Variants in SRRM4 observed in about 807,000 individuals in gnomAD.
SRRM4 encodes the protein serine/arginine repetitive matrix 4.
SRRM4 carries 33 observed loss-of-function variants against 68.9 expected under a neutral mutation model. The ratio of observed to expected loss-of-function variants is 0.48; its 90% confidence interval spans 0.36 to 0.64. SRRM4 has a LOEUF of 0.64. SRRM4 is among the 30% of genes least tolerant of loss of function. The pLI, the probability that SRRM4 is intolerant of heterozygous loss-of-function variation, is 0.00. For missense variants in SRRM4, 817 were observed against 827.1 expected (o/e 0.99, Z 0.15); for synonymous variants, 318 against 318.8 (o/e 1.00, Z 0.03).
intron 1 of SRRM4, among the ~76,000 whole-genome samples, chr12:119,016,821 T>C (rs1953484912): frequency 6.6e-6 from 1 of 152,238 alleles, no homozygotes; most frequent in Non-Finnish European, 1.5e-5. Context: ...AATGACAGGG[T>C]AGCATACTGC....
At chr12:119,025,550 T>C (rs999136267) in intron 1 of SRRM4, among the ~76,000 whole-genome samples, 2 of 152,154 alleles carry the variant, frequency 1.3e-5, no homozygotes, top group Admixed American at 6.6e-5. Flanking sequence ...GTTCAAGTGA[T>C]TCTCCTGCCT....
In SRRM4 at chr12:119,121,979, G is replaced by T. The variant is rs1018814716; in HGVS notation, c.465-91G>T. On this transcript the variant is annotated intron_variant, in intron 5 of 12. Transcript: ENST00000267260. ...TCAGTGTCCATTCCAAAACTGCCTG[G>T]ATCTCACACTGTGTGTTAAGCATTT... 2.7e-5 allele frequency: 23 copies of T among 839,498 alleles called. No individual in the cohort carries two copies. In the Admixed American group the frequency reaches 3.9e-4, roughly 14 times the overall value. The allele number at this position is 839,498 out of a possible 1,614,324, so 52.0% of individuals were successfully genotyped here. A position where few individuals can be genotyped will look rare whatever the true frequency, so the allele number is the denominator to read the frequency against.
At chr12:119,054,792 T>C (rs935552518) in intron 1 of SRRM4, among the ~76,000 whole-genome samples, 1 of 152,204 alleles carries the variant, frequency 6.6e-6, no homozygotes, top group African/African-American at 2.4e-5. Context: ...TATGCAGCTG[T>C]CCCTTGGGGT....
At chr12:119,028,290 G>T (rs1953562162) in intron 1 of SRRM4, among the ~76,000 whole-genome samples, 1 of 152,124 alleles carries the variant, frequency 6.6e-6, no homozygotes, top group African/African-American at 2.4e-5. Flanking sequence ...GTTTGACTGT[G>T]TCCCCACCCA....
intron 1 of SRRM4, among the ~76,000 whole-genome samples, chr12:119,016,883 A>C (rs1485308292): frequency 3.3e-5 from 5 of 152,230 alleles, no homozygotes; most frequent in African/African-American, 1.2e-4. Context: ...CTGGCTGTGC[A>C]ACCTTAGACC....
chr12:119,091,164 C>A (rs993051793), intron 1 of SRRM4, among the ~76,000 whole-genome samples: 1 of 152,216 alleles, frequency 6.6e-6, no homozygotes, highest in Non-Finnish European at 1.5e-5. Context: ...GAGCCATCCT[C>A]TCAGAAGCCC....
intron 1 of SRRM4, among the ~76,000 whole-genome samples, chr12:119,017,915 A>T (rs893517814): frequency 6.6e-6 from 1 of 152,238 alleles, no homozygotes; most frequent in African/African-American, 2.4e-5. Context: ...ACTCTGCCAC[A>T]TATGGGATAT....
intron 1 of SRRM4, among the ~76,000 whole-genome samples, chr12:118,997,822 T>C (rs544981660): frequency 7.8e-4 from 119 of 152,272 alleles, no homozygotes; most frequent in African/African-American, 2.8e-3. Context: ...ATACTGTCAT[T>C]ATCTCCAGTT....
intron 1 of SRRM4, among the ~76,000 whole-genome samples, chr12:119,012,272 T>G (rs1953454287): frequency 6.6e-6 from 1 of 152,224 alleles, no homozygotes; most frequent in South Asian, 2.1e-4. Flanking sequence ...TAGAGATGAA[T>G]GAGTCCTCCC....
At chr12:119,002,605 A>G (rs546166350) in intron 1 of SRRM4, among the ~76,000 whole-genome samples, 2 of 152,360 alleles carry the variant, frequency 1.3e-5, no homozygotes, top group South Asian at 4.1e-4. Flanking sequence ...GAAGGTAGAT[A>G]TAAGGAACTA....
chr12:119,093,604 A>AG (rs1305741488), intron 1 of SRRM4, among the ~76,000 whole-genome samples: 4 of 152,174 alleles, frequency 2.6e-5, no homozygotes, highest in African/African-American at 7.2e-5. Context: ...GCTGATCCCC[A>AG]GGGGACCCTG....
At chr12:119,019,840 T>A (rs894700597) in intron 1 of SRRM4, among the ~76,000 whole-genome samples, 1 of 151,874 alleles carries the variant, frequency 6.6e-6, no homozygotes, top group Middle Eastern at 3.4e-3. Flanking sequence ...CAAGAAAACT[T>A]ACAGAGTGGC....
chr12:119,055,981 C>A (rs544281692), intron 1 of SRRM4, among the ~76,000 whole-genome samples: 1 of 152,224 alleles, frequency 6.6e-6, no homozygotes, highest in South Asian at 2.1e-4. Flanking sequence ...CATGTAGGGA[C>A]GTCCTTTAGC....
chr12:119,064,423 T>A (rs1042186174), intron 1 of SRRM4, among the ~76,000 whole-genome samples: 2 of 151,870 alleles, frequency 1.3e-5, no homozygotes, highest in Non-Finnish European at 2.9e-5. Context: ...ACACATATAA[T>A]TTTTTTTAGT....
At chr12:119,050,435 A>G (rs1192388564) in intron 1 of SRRM4, among the ~76,000 whole-genome samples, 1 of 152,246 alleles carries the variant, frequency 6.6e-6, no homozygotes, top group Non-Finnish European at 1.5e-5. Context: ...AGCTAATCGC[A>G]TAAACAAATT....
chr12:118,987,792 G>A (rs1447858949), intron 1 of SRRM4, among the ~76,000 whole-genome samples: 1 of 152,202 alleles, frequency 6.6e-6, no homozygotes, highest in Non-Finnish European at 1.5e-5. Flanking sequence ...GCCCATTGGG[G>A]AGAAAAAAGT....
intron 1 of SRRM4, among the ~76,000 whole-genome samples, chr12:119,021,101 A>G (rs889719685): frequency 2.0e-5 from 3 of 152,172 alleles, no homozygotes; most frequent in Non-Finnish European, 4.4e-5. Flanking sequence ...AAGTCAGGGA[A>G]AGGAGGTGAG....
rs1954460260 is a variant in SRRM4, at chr12:119,154,456, G to A, written c.1532+73G>A. 6.4e-7 allele frequency: 1 copy of A among 1,559,278 alleles called. No homozygotes were observed. The highest frequency in any genetic ancestry group is 1.4e-5 in the African/African-American group (1 of 73,772). On this transcript the variant is annotated intron_variant, in intron 12 of 12. Coordinates refer to ENST00000267260, the MANE Select transcript of SRRM4 (RefSeq NM_194286.4). The surrounding 1 kb of genome is among the most constrained non-coding windows in gnomAD (Gnocchi z 4.7). The stretch of plus-strand genomic sequence containing the variant: ...CCCATTCTTACTCATTCGAGCCTCA[G>A]GCTCTCCCTAGGCCTCCTTGGGGCT...
At chr12:119,107,515 T>G (rs949522313) in intron 2 of SRRM4, among the ~76,000 whole-genome samples, 1 of 152,140 alleles carries the variant, frequency 6.6e-6, no homozygotes, top group Non-Finnish European at 1.5e-5. Context: ...TTGGTCTATT[T>G]AGGGATTCAA....
Sources: gnomAD v4.1 joint callset for allele counts (sites outside exome capture counted in the v4.1 genomes callset) on GRCh38, gnomAD v4.1.1 for gene constraint, Gnocchi (gnomAD v3.1) non-coding constraint, MANE v1.5 for transcripts, NCBI Gene and HGNC (gene_info 2026-07-23, HGNC 2026-07-21) for gene names.